The following TNS3 variants were observed in gnomAD, a reference collection of about 807,000 sequenced individuals.
TNS3 encodes tensin-3.
Under a neutral mutation model 140.9 loss-of-function variants are expected in TNS3, and 45 were observed. The observed-to-expected ratio is 0.32, with a 90% CI of 0.25 to 0.41. The LOEUF is 0.41. Ranked by LOEUF, TNS3 falls within the 10% of genes least tolerant of loss-of-function variation. TNS3 has a pLI of 1.00. For synonymous variants in TNS3, 815 were observed against 788.4 expected (o/e 1.03, Z -0.56); for missense variants, 1,716 against 1,906.7 (o/e 0.90, Z 1.86).
intron 6 of TNS3, among the ~76,000 whole-genome samples, chr7:47,438,267 T>C (rs1444185544): frequency 6.6e-6 from 1 of 152,082 alleles, no homozygotes; most frequent in Non-Finnish European, 1.5e-5. Context: ...CCATAGCCAT[T>C]TTGCAGGGAG....
At position 47,346,217 on chromosome 7, in the gene TNS3, C is replaced by A. The variant is rs778170043; in HGVS notation, c.2421G>T (p.Pro807=). ...TGACGTCCGCTGGTGAGGGGAATGG[C>A]GGCAGGTTTGGGGCATAGTCCACAC... ...KAGVDYAPNL[P]PFPSPADVKE... Residue 807 remains proline (P), a synonymous_variant, in exon 18 of 31, where the codon CCG becomes CCT. Coordinates refer to ENST00000311160, the MANE Select transcript of TNS3 (RefSeq NM_022748.12). 2 of 1,614,126 alleles carry A rather than the reference C, an allele frequency of 1.2e-6. No homozygotes were observed. Among genetic ancestry groups the A allele is most frequent in the South Asian group, 1.1e-5 (1 of 91,084 alleles).
intron 4 of TNS3, among the ~76,000 whole-genome samples, chr7:47,477,601 A>G (rs1797244055): frequency 1.3e-5 from 2 of 152,186 alleles, no homozygotes; most frequent in African/African-American, 4.8e-5. Context: ...TAGGTACTCA[A>G]TGAATGGTAA....
intron 4 of TNS3, among the ~76,000 whole-genome samples, chr7:47,446,147 T>C (rs1795718108): frequency 2.0e-5 from 3 of 152,236 alleles, no homozygotes; most frequent in Non-Finnish European, 4.4e-5. Flanking sequence ...AGAGTCTTGC[T>C]GTTGCACAGG....
At chr7:47,439,084 T>C (rs1795332056) in intron 6 of TNS3, among the ~76,000 whole-genome samples, 1 of 152,200 alleles carries the variant, frequency 6.6e-6, no homozygotes, top group African/African-American at 2.4e-5. Context: ...CCTGGTTTCT[T>C]GGGTGCCCAC....
intron 3 of TNS3, among the ~76,000 whole-genome samples, chr7:47,500,058 A>T (rs1255676855): frequency 6.6e-6 from 1 of 152,150 alleles, no homozygotes; most frequent in Non-Finnish European, 1.5e-5. Flanking sequence ...TTTAAAAACC[A>T]TTTTAAAAGC....
At chr7:47,298,772 T>G (rs1163581180) in intron 23 of TNS3, among the ~76,000 whole-genome samples, 1 of 152,246 alleles carries the variant, frequency 6.6e-6, no homozygotes, top group Admixed American at 6.5e-5. Flanking sequence ...GGCATCTGTC[T>G]GGCCATAGGA....
intron 3 of TNS3, among the ~76,000 whole-genome samples, chr7:47,491,444 A>G (rs1205374509): frequency 6.6e-6 from 1 of 152,016 alleles, no homozygotes; most frequent in African/African-American, 2.4e-5. Context: ...GGATAATACG[A>G]CCTCGCGGGG....
chr7:47,541,684 C>T (rs1225853587), intron 1 of TNS3, among the ~76,000 whole-genome samples: 1 of 152,146 alleles, frequency 6.6e-6, no homozygotes, highest in Admixed American at 6.5e-5. Flanking sequence ...CGCAGTGACT[C>T]ACGCCTGTAA....
At chr7:47,566,775 C>G in intron 1 of TNS3, among the ~76,000 whole-genome samples, 1 of 152,136 alleles carries the variant, frequency 6.6e-6, no homozygotes, top group Non-Finnish European at 1.5e-5. Context: ...CACGGTAACT[C>G]ATGCCTGTAA....
chr7:47,368,621 C>T lies in TNS3; in HGVS notation c.2025G>A (p.Val675=). 6.3e-7 allele frequency: 1 copy of T among 1,595,686 alleles called. No individual in the cohort carries two copies. The highest frequency in any genetic ancestry group is 8.5e-7 in the Non-Finnish European group (1 of 1,171,292). ...TGCTCAGCTCTGGGCCGGCTCCATT[C>T]ACAACCTGGTCTCCTGGAAACCTGG... ...FKPRFPGDQV[V]NGAGPELSTG... Residue 675 remains valine, a synonymous_variant, in exon 17 of 31, where the codon GTG becomes GTA. Coordinates refer to ENST00000311160, the MANE Select transcript of TNS3 (RefSeq NM_022748.12).
At chr7:47,289,991 G>T (rs1267614814) in intron 27 of TNS3, among the ~76,000 whole-genome samples, 1 of 152,128 alleles carries the variant, frequency 6.6e-6, no homozygotes, top group Non-Finnish European at 1.5e-5. Context: ...TGACTTCCAG[G>T]ATTACTATAA....
intron 2 of TNS3, among the ~76,000 whole-genome samples, chr7:47,527,573 G>C (rs1294594020): frequency 6.6e-6 from 1 of 152,174 alleles, no homozygotes; most frequent in Non-Finnish European, 1.5e-5. Flanking sequence ...CCAGTGACAG[G>C]CCACAGCATT....
chr7:47,554,334 C>T (rs1202387530), intron 1 of TNS3, among the ~76,000 whole-genome samples: 1 of 151,110 alleles, frequency 6.6e-6, no homozygotes, highest in African/African-American at 2.4e-5. Context: ...AGGAGAATTA[C>T]TTGAACCCAG....
chr7:47,435,274 G>T lies in TNS3; in HGVS notation c.324+8C>A. Reference sequence around the variant, plus strand: ...CAGACCCCCAAATGTGAGAGGGGGCGCACTCACCCTGCAGTGAATGACGAC... The same window carrying T: ...CAGACCCCCAAATGTGAGAGGGGGCTCACTCACCCTGCAGTGAATGACGAC... On this transcript the variant is annotated splice_region_variant and intron_variant, in intron 8 of 30. Transcript: ENST00000311160. The T allele has an allele frequency of 6.2e-7, 1 of 1,613,422 alleles. No homozygotes were observed. The highest frequency in any genetic ancestry group is 2.2e-5 in the East Asian group (1 of 44,860).
At chr7:47,389,039 G>A (rs1792277436) in intron 16 of TNS3, among the ~76,000 whole-genome samples, 1 of 36,782 alleles carries the variant, frequency 2.7e-5, no homozygotes, top group African/African-American at 1.3e-4. Flanking sequence ...AGAAGAAGAA[G>A]AAGAAGAAGA....
chr7:47,483,563 G>A (rs972943010), intron 3 of TNS3, among the ~76,000 whole-genome samples: 3 of 152,164 alleles, frequency 2.0e-5, no homozygotes, highest in Non-Finnish European at 4.4e-5. Context: ...CACGTTTGTT[G>A]AGACAATGAA....
intron 8 of TNS3, among the ~76,000 whole-genome samples, chr7:47,434,534 T>G (rs971022033): frequency 3.3e-5 from 5 of 152,178 alleles, no homozygotes; most frequent in Admixed American, 1.3e-4. Context: ...AGGGTTAAGC[T>G]TCACACACTT....
chr7:47,518,693 A>AAAT (rs764143734), intron 2 of TNS3, among the ~76,000 whole-genome samples: 29 of 152,332 alleles, frequency 1.9e-4, no homozygotes, highest in Admixed American at 1.1e-3. Flanking sequence ...ATAAGTAAAT[A>AAAT]AATAAATAAA....
chr7:47,281,926 CT>C (rs1201014260), intron 28 of TNS3, among the ~76,000 whole-genome samples: 1 of 150,658 alleles, frequency 6.6e-6, no homozygotes, highest in Non-Finnish European at 1.5e-5. Flanking sequence ...AGCCATGCCC[CT>C]GACCCTGACC....
Sources: allele counts gnomAD v4.1 joint callset (sites outside exome capture counted in the v4.1 genomes callset), GRCh38; gene constraint gnomAD v4.1.1; transcripts MANE v1.5; gene names NCBI Gene and HGNC (gene_info 2026-07-23, HGNC 2026-07-21).